The following PEPD variants were observed in gnomAD, a reference collection of about 807,000 sequenced individuals.
PEPD encodes xaa-Pro dipeptidase.
In PEPD, 53 loss-of-function variants were observed where a neutral mutation model predicts 60.7. The ratio of observed to expected loss-of-function variants is 0.87; its 90% CI spans 0.70 to 1.10. The LOEUF is 1.10. Ranked by LOEUF, PEPD falls within the 50% of genes least tolerant of loss-of-function variation. The pLI is 0.00. For missense variants in PEPD, 711 were observed against 711.9 expected, an observed-to-expected ratio of 1.00 and a Z score of 0.01; for synonymous variants, 267 against 284.1, an observed-to-expected ratio of 0.94 and a Z score of 0.60.
At chr19:33,399,644 A>AG (rs113146388) in intron 12 of PEPD, among the ~76,000 whole-genome samples, 5,158 of 152,228 alleles carry the variant, frequency 0.034, 294 homozygotes, top group African/African-American at 0.12. Flanking sequence ...CCTCTGAAGC[A>AG]CACTTGGGCC....
chr19:33,413,734 C>T, intron 9 of PEPD, 91 bp from the exon 10 acceptor site: 1 of 764,782 alleles, frequency 1.3e-6, no homozygotes, highest in Non-Finnish European at 2.3e-6. Context: ...AGGCCCTCGG[C>T]CCATGGTCTC....
chr19:33,387,502 C>G (rs1448087009), intron 14 of PEPD, 21 bp from the exon 15 acceptor site: 2 of 1,612,790 alleles, frequency 1.2e-6, no homozygotes, highest in South Asian at 1.1e-5. Context: ...CCGACAGACA[C>G]ACATTATCAT....
intron 9 of PEPD, among the ~76,000 whole-genome samples, chr19:33,414,888 G>A (rs2145369380): frequency 6.6e-6 from 1 of 152,340 alleles, no homozygotes; most frequent in South Asian, 2.1e-4. Context: ...GAGCTGCCAG[G>A]GAAGCAAGAA....
rs752437700 is a variant in PEPD at position 33,411,706 on chromosome 19, G to C, written c.784C>G (p.Pro262Ala). The C allele has an allele frequency of 1.2e-6, 2 of 1,611,360 alleles. No homozygotes were observed. Among genetic ancestry groups the C allele is most frequent in the Admixed American group, 3.3e-5 (2 of 59,984 alleles). Residue 262 changes from proline (P) to alanine (A), a missense_variant, in exon 11 of 15, where the codon CCC becomes GCC. Coordinates refer to ENST00000244137, the MANE Select transcript of PEPD (RefSeq NM_000285.4). The stretch of plus-strand genomic sequence containing the variant: ...CCATTCTGGATCGTTCGGTCGTTGG[G>C]AGCTCCGGCGTGTCCGTAGTGTAGC... ...AVLHYGHAGA[P>A]NDRTIQNGDM... is the part of the protein sequence containing the mutation.
intron 5 of PEPD, among the ~76,000 whole-genome samples, chr19:33,491,933 C>T (rs1301738956): frequency 6.6e-6 from 1 of 150,468 alleles, no homozygotes; most frequent in African/African-American, 2.5e-5. Context: ...AATGTTAGCA[C>T]AGGTCTTTGA....
In PEPD at chr19:33,511,136, G is replaced by A. The variant is rs533996123; in HGVS notation, c.221C>T (p.Ala74Val). The A allele has an allele frequency of 1.1e-5, 17 of 1,613,902 alleles. No homozygotes were observed. In the South Asian group the frequency reaches 1.3e-4, roughly 13 times the overall value. ...LFRQESFFHWAFGVTEPGCYG... is the reference protein window; with the variant it reads ...LFRQESFFHWVFGVTEPGCYG... ...GCAGCCTGGCTCAGTGACACCGAACGCCCAGTGAAAGAAGGACTCCTGTGG... is the reference window on the plus strand; with the variant it reads ...GCAGCCTGGCTCAGTGACACCGAACACCCAGTGAAAGAAGGACTCCTGTGG... Residue 74 changes from alanine (A) to valine (V), a missense_variant, in exon 3 of 15, where the codon GCG becomes GTG. Physicochemically the swap from Ala to Val is moderately conservative, Grantham distance 64 (BLOSUM62 0). Coordinates refer to ENST00000244137, the MANE Select transcript of PEPD (RefSeq NM_000285.4).
chr19:33,516,392 C>T (rs1010765599), intron 1 of PEPD, among the ~76,000 whole-genome samples: 1 of 152,172 alleles, frequency 6.6e-6, no homozygotes, highest in Non-Finnish European at 1.5e-5. Context: ...TGCAGACAGA[C>T]AAGGCACAAG....
At chr19:33,388,348 C>T (rs896316189) in intron 13 of PEPD, 1 of 630,140 alleles carries the variant, frequency 1.6e-6, no homozygotes, top group African/African-American at 1.8e-5. Context: ...CATGTGCACA[C>T]ACCCGGGGCA....
chr19:33,386,955 T>C lies in PEPD; in HGVS notation c.*389A>G. On this transcript the variant is annotated 3_prime_UTR_variant, in exon 15 of 15. Coordinates refer to ENST00000244137, the MANE Select transcript of PEPD (RefSeq NM_000285.4). ...AGGGGAAGCCACGCACAAAGGACCATTTTAGGAAACCTTTTATTGCAAATG... is the reference window on the plus strand; with the variant it reads ...AGGGGAAGCCACGCACAAAGGACCACTTTAGGAAACCTTTTATTGCAAATG... The C allele has an allele frequency of 3.8e-6, 1 of 260,180 alleles. No individual in the cohort carries two copies. The highest frequency in any genetic ancestry group is 7.5e-6 in the Non-Finnish European group (1 of 132,938). The allele number at this position is 260,180 out of a possible 1,614,324, so 16.1% of individuals were successfully genotyped here. A position where few individuals can be genotyped will look rare whatever the true frequency, so the allele number is the denominator to read the frequency against.
At chr19:33,406,531 T>TC (rs1323686315) in intron 11 of PEPD, among the ~76,000 whole-genome samples, 3 of 152,148 alleles carry the variant, frequency 2.0e-5, no homozygotes, top group Non-Finnish European at 4.4e-5. Flanking sequence ...CAAGTCTCCC[T>TC]CGGAGGAAAC....
Position 33,387,268 on chromosome 19 carries a change from C to T in PEPD, c.*76G>A. ...GGTGCCGTCTCTCGCTACTGGAGTG[C>T]TGACCAGCAGGCTGCCCATCACGAA... On this transcript the variant is annotated 3_prime_UTR_variant, in exon 15 of 15. Transcript: ENST00000244137. 6.4e-7 allele frequency: 1 copy of T among 1,566,194 alleles called. No homozygotes were observed. The highest frequency in any genetic ancestry group is 8.7e-7 in the Non-Finnish European group (1 of 1,143,016).
intron 4 of PEPD, among the ~76,000 whole-genome samples, chr19:33,494,481 C>T (rs1044314978): frequency 1.3e-5 from 2 of 152,196 alleles, no homozygotes; most frequent in Non-Finnish European, 2.9e-5. Flanking sequence ...ATAAAATGCA[C>T]GTACAATCCT....
intron 7 of PEPD, among the ~76,000 whole-genome samples, chr19:33,474,608 C>T (rs1970183160): frequency 6.6e-6 from 1 of 151,980 alleles, no homozygotes; most frequent in Admixed American, 6.6e-5. Context: ...CACGTGAACC[C>T]GGGAGGCGGA....
chr19:33,431,261 G>A (rs1171895274), intron 9 of PEPD, among the ~76,000 whole-genome samples: 2 of 152,050 alleles, frequency 1.3e-5, no homozygotes, highest in African/African-American at 4.8e-5. Context: ...GGAAGGAAGA[G>A]AGGGACGAAA....
intron 11 of PEPD, among the ~76,000 whole-genome samples, chr19:33,403,331 A>G (rs1422052372): frequency 6.6e-6 from 1 of 152,192 alleles, no homozygotes; most frequent in Non-Finnish European, 1.5e-5. Context: ...CCACGTCTGC[A>G]GGGTCCAGAA....
At chr19:33,421,389 C>G (rs1969014322) in intron 9 of PEPD, among the ~76,000 whole-genome samples, 1 of 152,228 alleles carries the variant, frequency 6.6e-6, no homozygotes, top group African/African-American at 2.4e-5. Context: ...AACAGCCTAG[C>G]CCGGTCCAGC....
intron 13 of PEPD, among the ~76,000 whole-genome samples, chr19:33,389,990 G>A (rs1793750516): frequency 1.3e-5 from 2 of 152,252 alleles, no homozygotes; most frequent in South Asian, 4.1e-4. Flanking sequence ...TCAGGGGTGG[G>A]GAGGGGTCCT....
chr19:33,422,760 C>T (rs1301592349), intron 9 of PEPD, among the ~76,000 whole-genome samples: 3 of 151,582 alleles, frequency 2.0e-5, no homozygotes, highest in Non-Finnish European at 2.9e-5. Context: ...TGTCAACCTA[C>T]CTACTTATCA....
intron 9 of PEPD, among the ~76,000 whole-genome samples, chr19:33,452,512 T>A (rs1208856746): frequency 1.3e-5 from 2 of 152,034 alleles, no homozygotes; most frequent in African/African-American, 4.8e-5. Flanking sequence ...GAGCTGATTT[T>A]ATGAAAAGGC....
Sources: gnomAD v4.1 joint callset for allele counts (sites outside exome capture counted in the v4.1 genomes callset) on GRCh38, gnomAD v4.1.1 for gene constraint, MANE v1.5 for transcripts, NCBI Gene and HGNC (gene_info 2026-07-23, HGNC 2026-07-21) for gene names.